GSPT1: variants seen among roughly 807,000 people sequenced by gnomAD.
GSPT1 encodes G1 to S phase transition 1, also known as eukaryotic peptide chain release factor GTP-binding subunit ERF3A.
Under a neutral mutation model 72.5 loss-of-function variants are expected in GSPT1, and 20 were observed. The observed-to-expected ratio is 0.28, with a 90% CI of 0.19 to 0.40. GSPT1 has a LOEUF of 0.40. Ranked by LOEUF, GSPT1 falls within the 10% of genes least tolerant of loss-of-function variation. The pLI is 1.00. For missense variants in GSPT1, 580 were observed against 811.9 expected (o/e 0.71, Z 3.47); for synonymous variants, 334 against 293.5 (o/e 1.14, Z -1.41).
intron 11 of GSPT1, chr16:11,881,785 C>G (rs2054126042): frequency 6.6e-6 from 1 of 151,778 alleles, no homozygotes; most frequent in African/African-American, 2.4e-5. Context: ...CCTCAACCTC[C>G]CAAATAGCTA....
chr16:11,894,604 G>A (rs1166826029), intron 5 of GSPT1, among the ~76,000 whole-genome samples: 2 of 152,070 alleles, frequency 1.3e-5, no homozygotes, highest in East Asian at 1.9e-4. Flanking sequence ...AAAGCTTTCA[G>A]AAACACATTT....
upstream of GSPT1, chr16:11,915,990 T>G (rs1446159526): frequency 1.4e-6 from 1 of 695,242 alleles, no homozygotes; most frequent in East Asian, 2.9e-5. Flanking sequence ...TCCGACGGCC[T>G]CACAGCCAAC....
At position 11,896,678 on chromosome 16, in the gene GSPT1, C is replaced by T; in HGVS notation, c.544G>A (p.Glu182Lys). Reference sequence around the variant, plus strand: ...TCCATCATTTCATGGGCACTTTCCTCTGGCGGCCTTCCATCTCCCAAGGAA... The same window carrying T: ...TCCATCATTTCATGGGCACTTTCCTTTGGCGGCCTTCCATCTCCCAAGGAA... ...GGSLGDGRPP[E>K]ESAHEMMEEE... The change falls in exon 4 of 15, where the codon GAG (glutamate) becomes AAG (lysine). Residue 182 changes from glutamate (E) to lysine (K), a missense_variant. Coordinates refer to ENST00000434724, the MANE Select transcript of GSPT1 (RefSeq NM_002094.4). The T allele has an allele frequency of 6.2e-7, 1 of 1,608,542 alleles. No individual in the cohort carries two copies. Among genetic ancestry groups the T allele is most frequent in the Non-Finnish European group, 8.5e-7 (1 of 1,177,288 alleles).
At chr16:11,913,042 T>C (rs938773779) in intron 1 of GSPT1, among the ~76,000 whole-genome samples, 1 of 152,196 alleles carries the variant, frequency 6.6e-6, no homozygotes, top group Non-Finnish European at 1.5e-5. Flanking sequence ...GAACAGAACA[T>C]GCTAGCCCTA....
intron 1 of GSPT1, among the ~76,000 whole-genome samples, chr16:11,906,277 G>C (rs1205926208): frequency 1.3e-5 from 2 of 152,068 alleles, no homozygotes; most frequent in African/African-American, 2.4e-5. Context: ...GGGCTCAAGA[G>C]AGTGAAAACA....
Position 11,868,443 on chromosome 16 carries a change from T to TA in GSPT1, c.*4675dup, listed in dbSNP as rs1407826083. 2 of 151,468 alleles carry TA rather than the reference T, an allele frequency of 1.3e-5. No individual in the cohort carries two copies. The highest frequency in any genetic ancestry group is 4.9e-5 in the African/African-American group (2 of 41,168). The allele number at this position is 151,468 out of a possible 1,614,324, so 9.4% of individuals were successfully genotyped here. Reference sequence around the variant, plus strand: ...AGTCACTAAGTCCTGGCCTGAGAGATACCCACATTTCCTTTAGAACAAACA... The same window carrying TA: ...AGTCACTAAGTCCTGGCCTGAGAGATAACCCACATTTCCTTTAGAACAAACA... On this transcript the variant is annotated 3_prime_UTR_variant, in exon 15 of 15. Coordinates refer to ENST00000434724, the MANE Select transcript of GSPT1 (RefSeq NM_002094.4).
chr16:11,882,688 C>T, intron 11 of GSPT1: 1 of 195,226 alleles, frequency 5.1e-6, no homozygotes, highest in Non-Finnish European at 1.1e-5. Context: ...GGCATGATGG[C>T]TCACGCCCGT....
intron 14 of GSPT1, among the ~76,000 whole-genome samples, chr16:11,875,046 C>T (rs457643): frequency 0.43 from 65,908 of 151,930 alleles, 15,246 homozygotes; most frequent in East Asian, 0.76. Flanking sequence ...AAAAATTAGC[C>T]AGGCATGGTG....
At chr16:11,916,078 T>G, upstream of GSPT1, 2 of 523,420 alleles carry the variant, frequency 3.8e-6, no homozygotes, top group Non-Finnish European at 3.7e-6. Flanking sequence ...GCCGCCCCCG[T>G]TTCCGGCTAT....
At chr16:11,879,256 G>A (rs1394614886) in intron 11 of GSPT1, among the ~76,000 whole-genome samples, 4 of 150,858 alleles carry the variant, frequency 2.7e-5, no homozygotes, top group Non-Finnish European at 5.9e-5. Context: ...TTAGCCAGGC[G>A]TGGTGGCAGG....
rs895166146 is a variant in GSPT1, at chr16:11,877,727, G to C, written c.1429-147C>G. On this transcript the variant is annotated intron_variant, in intron 11 of 14. Coordinates refer to ENST00000434724, the MANE Select transcript of GSPT1 (RefSeq NM_002094.4). This position sits in a 1 kb window ranked among gnomAD's most constrained non-coding sequence, Gnocchi z 4.0. ...TTGTATGACATAAAATCTTAGCCTA[G>C]ATATGATCAGCAAAAATCATATCCT... 3 of 556,662 alleles carry C rather than the reference G, an allele frequency of 5.4e-6. No individual in the cohort carries two copies. The highest frequency in any genetic ancestry group is 1.9e-5 in the African/African-American group (1 of 51,968). 34.5% of individuals were successfully genotyped at this position (556,662 alleles called of 1,614,324 possible).
rs36109943 is a variant in GSPT1, at chr16:11,872,392, A to G, written c.*727T>C. On this transcript the variant is annotated 3_prime_UTR_variant, in exon 15 of 15. Transcript: ENST00000434724. ...ACAATATAAATTGGCAAAAAAAAAAAAAATAAATAAATAACTAAAAGACCT... is the reference window on the plus strand; with the variant it reads ...ACAATATAAATTGGCAAAAAAAAAAGAAATAAATAAATAACTAAAAGACCT... 7.9e-5 allele frequency: 12 copies of G among 151,800 alleles called. No homozygotes were observed. Among genetic ancestry groups the G allele is most frequent in the African/African-American group, 2.9e-4 (12 of 41,310 alleles). 9.4% of individuals were successfully genotyped at this position (151,800 alleles called of 1,614,324 possible).
intron 3 of GSPT1, among the ~76,000 whole-genome samples, chr16:11,897,186 T>A (rs549202461): frequency 7.2e-5 from 11 of 152,196 alleles, no homozygotes; most frequent in African/African-American, 2.4e-4. Flanking sequence ...AAATATTTTC[T>A]TTTTCCTCTT....
intron 1 of GSPT1, among the ~76,000 whole-genome samples, chr16:11,902,365 CGACTCTGTCTCAAAAACAGACAGAGCAG>C: frequency 7.7e-6 from 1 of 129,642 alleles, no homozygotes; most frequent in Non-Finnish European, 1.5e-5. Flanking sequence ...CTGGGTGACA[CGACTCTGTCTCAAAAACAGACAGAGCAG>C]GACTCTGTCT....
At chr16:11,907,375 C>G (rs972712204) in intron 1 of GSPT1, among the ~76,000 whole-genome samples, 1 of 152,170 alleles carries the variant, frequency 6.6e-6, no homozygotes, top group Non-Finnish European at 1.5e-5. Flanking sequence ...CTTTACTGAG[C>G]CTTTATTTTC....
rs1049535705 is a variant in GSPT1, at chr16:11,879,757, A to G, written c.1429-2177T>C. Among the ~76,000 whole-genome samples the G allele has an allele frequency of 2.7e-5, 4 of 149,852 alleles. No individual in the cohort carries two copies. In the East Asian group the frequency reaches 7.8e-4, roughly 29 times the overall value. On this transcript the variant is annotated intron_variant, in intron 11 of 14. Transcript: ENST00000434724. Reference sequence around the variant, plus strand: ...CCGTCTCAAAAAAAAAAAAAAAAACAAAACAAAAAACAAAAAACAATCTGT... The same window carrying G: ...CCGTCTCAAAAAAAAAAAAAAAAACGAAACAAAAAACAAAAAACAATCTGT...
At chr16:11,916,480 T>C (rs113304368), upstream of GSPT1, among the ~76,000 whole-genome samples, 382 of 152,336 alleles carry the variant, frequency 2.5e-3, 2 homozygotes, top group African/African-American at 8.6e-3. Context: ...CTGCGTTCTC[T>C]GCCTCACAGT....
chr16:11,885,025 G>C (rs1047586729), intron 10 of GSPT1, among the ~76,000 whole-genome samples, 156 bp downstream of exon 10: 9 of 150,582 alleles, frequency 6.0e-5, no homozygotes, highest in African/African-American at 2.2e-4. Context: ...CTGAGATCGC[G>C]CCACTGCACT....
At chr16:11,883,830 T>C (rs565811385) in intron 10 of GSPT1, among the ~76,000 whole-genome samples, 1 of 151,890 alleles carries the variant, frequency 6.6e-6, no homozygotes, top group African/African-American at 2.4e-5. Context: ...TGAGAATCGC[T>C]TGAACCCAGG....
Sources: allele counts gnomAD v4.1 joint callset (sites outside exome capture counted in the v4.1 genomes callset), GRCh38; gene constraint gnomAD v4.1.1; non-coding constraint Gnocchi (gnomAD v3.1); transcripts MANE v1.5; gene names NCBI Gene and HGNC (gene_info 2026-07-23, HGNC 2026-07-21).